The following CLYBL variants were observed in gnomAD, a reference collection of about 807,000 sequenced individuals.
CLYBL encodes the protein citramalyl-CoA lyase.
Under a neutral mutation model 38.9 loss-of-function variants are expected in CLYBL, and 31 were observed. The ratio of observed to expected loss-of-function variants is 0.80; its 90% CI spans 0.60 to 1.08. The LOEUF (loss-of-function observed/expected upper bound fraction) is 1.08, where lower values mean the gene tolerates loss of function less well. Among genes scored for constraint, CLYBL ranks in the 50% least tolerant of loss-of-function variants. The pLI, the probability that CLYBL is intolerant of heterozygous loss-of-function variation, is 0.00. For synonymous variants in CLYBL, 171 were observed against 158.6 expected, an observed-to-expected ratio of 1.08 and a Z score of -0.59; for missense variants, 434 against 411.6, an observed-to-expected ratio of 1.05 and a Z score of -0.47.
chr13:99,709,280 G>C (rs2048191865), intron 1 of CLYBL, among the ~76,000 whole-genome samples: 1 of 152,176 alleles, frequency 6.6e-6, no homozygotes, highest in Non-Finnish European at 1.5e-5. Flanking sequence ...AGCCAGCCCT[G>C]CTGACACCTC....
chr13:99,876,837 T>C (rs1447141788), intron 7 of CLYBL, among the ~76,000 whole-genome samples: 1 of 152,232 alleles, frequency 6.6e-6, no homozygotes, highest in Non-Finnish European at 1.5e-5. Context: ...CAAAACGAGA[T>C]AGAGCCTTAA....
chr13:99,657,277 C>T (rs926447358), intron 1 of CLYBL, among the ~76,000 whole-genome samples: 5 of 152,170 alleles, frequency 3.3e-5, no homozygotes, highest in South Asian at 2.1e-4. Context: ...ACCTTTGATC[C>T]GCATTCACAT....
At chr13:99,659,414 C>T (rs1318867694) in intron 1 of CLYBL, among the ~76,000 whole-genome samples, 1 of 152,126 alleles carries the variant, frequency 6.6e-6, no homozygotes, top group Non-Finnish European at 1.5e-5. Context: ...CAAATTGCGA[C>T]CCTTCAAACC....
chr13:99,669,440 T>C (rs1244523790), intron 1 of CLYBL, among the ~76,000 whole-genome samples: 1 of 152,156 alleles, frequency 6.6e-6, no homozygotes, highest in African/African-American at 2.4e-5. Context: ...CAGTCATTTT[T>C]CTAGGAACTG....
At chr13:99,770,510 G>A (rs1305032460) in intron 1 of CLYBL, among the ~76,000 whole-genome samples, 1 of 152,022 alleles carries the variant, frequency 6.6e-6, no homozygotes, top group African/African-American at 2.4e-5. Flanking sequence ...GTAGAGACGG[G>A]GTTTCACTGT....
intron 2 of CLYBL, among the ~76,000 whole-genome samples, chr13:99,816,389 G>T (rs549396478): frequency 2.6e-5 from 4 of 152,340 alleles, no homozygotes; most frequent in African/African-American, 9.6e-5. Flanking sequence ...CTCAATGACT[G>T]TGCCCTTACT....
chr13:99,847,007 C>T (rs1182840945), intron 2 of CLYBL, among the ~76,000 whole-genome samples: 1 of 152,064 alleles, frequency 6.6e-6, no homozygotes, highest in Admixed American at 6.5e-5. Flanking sequence ...TTTTTGATAT[C>T]TGTGTGAAGG....
chr13:99,873,024 C>T (rs1399366187), intron 7 of CLYBL, among the ~76,000 whole-genome samples: 5 of 151,780 alleles, frequency 3.3e-5, no homozygotes, highest in African/African-American at 9.7e-5. Flanking sequence ...CTTTTCTTAA[C>T]ACAGAACCAT....
chr13:99,834,462 G>A (rs1313321512), intron 2 of CLYBL, among the ~76,000 whole-genome samples: 2 of 152,160 alleles, frequency 1.3e-5, no homozygotes, highest in East Asian at 3.9e-4. Flanking sequence ...GCATTGCAGG[G>A]AACACTCATT....
intron 7 of CLYBL, among the ~76,000 whole-genome samples, chr13:99,887,892 G>A (rs1451886085): frequency 1.3e-5 from 2 of 150,746 alleles, no homozygotes. Flanking sequence ...GTCTTGCTCT[G>A]TTACCTAGGC....
chr13:99,619,178 G>A (rs2046757948), intron 1 of CLYBL, among the ~76,000 whole-genome samples: 1 of 152,192 alleles, frequency 6.6e-6, no homozygotes, highest in Non-Finnish European at 1.5e-5. Flanking sequence ...AAGAAGTGGG[G>A]CCTTGTAGGA....
intron 6 of CLYBL, among the ~76,000 whole-genome samples, chr13:99,870,251 A>G (rs1197218328): frequency 6.6e-6 from 1 of 152,168 alleles, no homozygotes; most frequent in Non-Finnish European, 1.5e-5. Context: ...TAATTTTTAA[A>G]TGGAGTAATC....
chr13:99,742,058 T>C (rs1026669029), intron 1 of CLYBL, among the ~76,000 whole-genome samples: 4 of 152,248 alleles, frequency 2.6e-5, no homozygotes, highest in African/African-American at 9.6e-5. Context: ...ATGATTTGAA[T>C]GTTCACTTGC....
intron 1 of CLYBL, among the ~76,000 whole-genome samples, chr13:99,617,747 T>G (rs531526913): frequency 1.1e-4 from 17 of 152,220 alleles, no homozygotes; most frequent in Admixed American, 2.0e-4. Flanking sequence ...TTTAAAAGTT[T>G]ATGAGAAACT....
At chr13:99,636,493 C>T (rs776055349) in intron 1 of CLYBL, among the ~76,000 whole-genome samples, 1 of 152,092 alleles carries the variant, frequency 6.6e-6, no homozygotes, top group Non-Finnish European at 1.5e-5. Flanking sequence ...CACAGGTTCA[C>T]GTGGCCAACT....
chr13:99,822,658 A>G (rs1269835292), intron 2 of CLYBL, among the ~76,000 whole-genome samples: 1 of 152,230 alleles, frequency 6.6e-6, no homozygotes. Flanking sequence ...TTAAGATACA[A>G]TCCATGTGCT....
chr13:99,666,960 T>C (rs2047490556), intron 1 of CLYBL, among the ~76,000 whole-genome samples: 1 of 152,152 alleles, frequency 6.6e-6, no homozygotes, highest in South Asian at 2.1e-4. Context: ...TGGATGCCTC[T>C]CACCCTGCAT....
intron 1 of CLYBL, among the ~76,000 whole-genome samples, chr13:99,705,153 A>G (rs1490180382): frequency 6.6e-6 from 1 of 152,220 alleles, no homozygotes; most frequent in African/African-American, 2.4e-5. Flanking sequence ...ACCCATGTTT[A>G]TAGCAGCATT....
chr13:99,633,175 C>G (rs1482720268), intron 1 of CLYBL, among the ~76,000 whole-genome samples: 1 of 135,596 alleles, frequency 7.4e-6, no homozygotes, highest in Non-Finnish European at 1.5e-5. Context: ...CATACCAGTG[C>G]ACTCCAGCCT....
Sources: allele counts gnomAD v4.1 joint callset (sites outside exome capture counted in the v4.1 genomes callset), GRCh38; gene constraint gnomAD v4.1.1; transcripts MANE v1.5; gene names NCBI Gene and HGNC (gene_info 2026-07-23, HGNC 2026-07-21).